HMGCLL1: variants seen among roughly 807,000 people sequenced by gnomAD.
HMGCLL1 encodes 3-hydroxy-3-methylglutaryl-CoA lyase like 1.
In HMGCLL1, 36 loss-of-function variants were observed where a neutral mutation model predicts 39.1. That is an observed-to-expected ratio of 0.92 (90% CI 0.71 to 1.22). The LOEUF is 1.22. Ranked by LOEUF, HMGCLL1 falls within the 50% of genes most tolerant of loss-of-function variation. HMGCLL1 has a pLI of 0.00. For synonymous variants in HMGCLL1, 149 were observed against 144.0 expected, an observed-to-expected ratio of 1.03 and a Z score of -0.25; for missense variants, 451 against 416.5, an observed-to-expected ratio of 1.08 and a Z score of -0.72.
chr6:55,463,474 C>T (rs1764672791), intron 7 of HMGCLL1, among the ~76,000 whole-genome samples: 1 of 152,026 alleles, frequency 6.6e-6, no homozygotes, highest in Admixed American at 6.6e-5. Flanking sequence ...CCTCAGGTTT[C>T]TTTAGAACTC....
chr6:55,539,022 T>C (rs535801619), intron 3 of HMGCLL1, among the ~76,000 whole-genome samples: 1 of 152,314 alleles, frequency 6.6e-6, no homozygotes, highest in African/African-American at 2.4e-5. Context: ...TAAGCCTTTC[T>C]ATCTAATTGA....
At chr6:55,448,442 T>G (rs1763950146) in intron 7 of HMGCLL1, among the ~76,000 whole-genome samples, 1 of 151,680 alleles carries the variant, frequency 6.6e-6, no homozygotes, top group South Asian at 2.1e-4. Flanking sequence ...TTCCATTTAT[T>G]TGTGCTTCTA....
the HMGCLL1 span, among the ~76,000 whole-genome samples, chr6:55,665,832 T>C: frequency 6.6e-6 from 1 of 151,782 alleles, no homozygotes; most frequent in Non-Finnish European, 1.5e-5. Flanking sequence ...GATAAGTAGA[T>C]GAAACATTTC....
chr6:55,639,699 T>G, the HMGCLL1 span, among the ~76,000 whole-genome samples: 3 of 152,124 alleles, frequency 2.0e-5, no homozygotes, highest in East Asian at 1.9e-4. Context: ...ACTCTCAGTT[T>G]TATTCTAGTT....
At chr6:55,483,186 A>G (rs1765831940) in intron 7 of HMGCLL1, among the ~76,000 whole-genome samples, 2 of 152,206 alleles carry the variant, frequency 1.3e-5, no homozygotes, top group African/African-American at 2.4e-5. Context: ...ATTTAATATA[A>G]TGGATATTTG....
chr6:55,523,129 A>T (rs1175100047), intron 3 of HMGCLL1, among the ~76,000 whole-genome samples: 1 of 126,638 alleles, frequency 7.9e-6, no homozygotes, highest in Non-Finnish European at 1.7e-5. Flanking sequence ...AAGCATCACC[A>T]GTAAGTGAGT....
chr6:55,586,406 T>A, the HMGCLL1 span, among the ~76,000 whole-genome samples: 1 of 151,170 alleles, frequency 6.6e-6, no homozygotes, highest in Admixed American at 6.6e-5. Flanking sequence ...AGTTTTTTTT[T>A]TATTATACTT....
chr6:55,560,899 T>G (rs944588316), intron 1 of HMGCLL1, among the ~76,000 whole-genome samples: 1 of 152,202 alleles, frequency 6.6e-6, no homozygotes, highest in Non-Finnish European at 1.5e-5. Context: ...ATCAGCCATC[T>G]TAAACAATAA....
the HMGCLL1 span, among the ~76,000 whole-genome samples, chr6:55,605,009 G>C: frequency 4.5e-3 from 683 of 152,306 alleles, 8 homozygotes; most frequent in African/African-American, 0.015. Flanking sequence ...AATGTGCTAT[G>C]CACGGTAAAC....
chr6:55,435,804 T>A, intron 8 of HMGCLL1, 41 bp from the exon 9 acceptor site: 2 of 1,056,974 alleles, frequency 1.9e-6, no homozygotes, highest in Non-Finnish European at 2.8e-6. Context: ...GCAGAGGGAT[T>A]AGAGAGAAAA....
At chr6:55,623,301 T>C in the HMGCLL1 span, among the ~76,000 whole-genome samples, 4 of 151,998 alleles carry the variant, frequency 2.6e-5, no homozygotes, top group African/African-American at 9.7e-5. Context: ...GGGTTTGATT[T>C]GCTCTTACTT....
At chr6:55,538,881 G>A (rs1401025782) in intron 3 of HMGCLL1, among the ~76,000 whole-genome samples, 1 of 152,012 alleles carries the variant, frequency 6.6e-6, no homozygotes, top group Non-Finnish European at 1.5e-5. Flanking sequence ...CAATGGGATA[G>A]AGAAAATTAG....
chr6:55,528,788 T>G (rs1768468584), intron 3 of HMGCLL1, among the ~76,000 whole-genome samples: 1 of 151,992 alleles, frequency 6.6e-6, no homozygotes, highest in Non-Finnish European at 1.5e-5. Context: ...CAGCATTACC[T>G]TTGTGTACTA....
At chr6:55,617,443 T>G in the HMGCLL1 span, among the ~76,000 whole-genome samples, 11 of 152,088 alleles carry the variant, frequency 7.2e-5, no homozygotes, top group African/African-American at 2.7e-4. Flanking sequence ...AACCAACCTA[T>G]AGACCACTTT....
chr6:55,648,015 C>T, the HMGCLL1 span, among the ~76,000 whole-genome samples: 3 of 120,424 alleles, frequency 2.5e-5, no homozygotes, highest in Non-Finnish European at 5.0e-5. Flanking sequence ...TGAGAATATG[C>T]GGTGTTTGGT....
intron 8 of HMGCLL1, among the ~76,000 whole-genome samples, chr6:55,437,752 T>C (rs951202847): frequency 6.6e-6 from 1 of 152,006 alleles, no homozygotes; most frequent in African/African-American, 2.4e-5. Context: ...GATGGTAGCA[T>C]GGAAGATAGA....
At chr6:55,637,800 T>A in the HMGCLL1 span, among the ~76,000 whole-genome samples, 1 of 151,894 alleles carries the variant, frequency 6.6e-6, no homozygotes. Flanking sequence ...ATATCATAGA[T>A]ACATGTATGT....
the HMGCLL1 span, among the ~76,000 whole-genome samples, chr6:55,599,204 T>C: frequency 6.6e-6 from 1 of 151,976 alleles, no homozygotes; most frequent in Non-Finnish European, 1.5e-5. Flanking sequence ...ATGGCATGTG[T>C]ATACCTATGT....
At chr6:55,646,245 T>C in the HMGCLL1 span, among the ~76,000 whole-genome samples, 1 of 151,954 alleles carries the variant, frequency 6.6e-6, no homozygotes, top group South Asian at 2.1e-4. Context: ...TAATGGCTCC[T>C]TTTTCATCTC....
Sources: gnomAD v4.1 joint callset for allele counts (sites outside exome capture counted in the v4.1 genomes callset) on GRCh38, gnomAD v4.1.1 for gene constraint, MANE v1.5 for transcripts, NCBI Gene and HGNC (gene_info 2026-07-23, HGNC 2026-07-21) for gene names.